The following PRKCZ variants were observed in gnomAD, a reference collection of about 807,000 sequenced individuals.
The protein encoded by PRKCZ is protein kinase C zeta, also known as protein kinase C zeta type.
PRKCZ carries 33 observed loss-of-function variants against 79.5 expected under a neutral mutation model. The observed-to-expected ratio is 0.41, with a 90% CI of 0.31 to 0.55. PRKCZ has a LOEUF of 0.55. Ranked by LOEUF, PRKCZ falls within the 20% of genes least tolerant of loss-of-function variation. PRKCZ has a pLI of 0.19. For missense variants in PRKCZ, 578 were observed against 813.5 expected, an observed-to-expected ratio of 0.71 and a Z score of 3.52; for synonymous variants, 342 against 320.9, an observed-to-expected ratio of 1.07 and a Z score of -0.70.
intron 16 of PRKCZ, among the ~76,000 whole-genome samples, chr1:2,181,364 C>T (rs918389604): frequency 1.3e-5 from 2 of 152,334 alleles, no homozygotes; most frequent in East Asian, 1.9e-4. Flanking sequence ...TGACACGGAA[C>T]GGGCCCCCTG....
Position 2,173,241 on chromosome 1 carries a change from G to C in PRKCZ, c.1286-656G>C, listed in dbSNP as rs1309429226. 6.6e-6 allele frequency among the ~76,000 whole-genome samples: 1 copy of C among 152,202 alleles called. No homozygotes were observed. Among genetic ancestry groups the C allele is most frequent in the African/African-American group, 2.4e-5 (1 of 41,444 alleles). The stretch of plus-strand genomic sequence containing the variant: ...GCCGCTGGGATAACTGGGCTCCCCA[G>C]CGGCCACAATGGAAGTCTCAGTAGC... On this transcript the variant is annotated intron_variant, in intron 13 of 17. Transcript: ENST00000378567. This position sits in a 1 kb window ranked among gnomAD's most constrained non-coding sequence, Gnocchi z 5.7.
At chr1:2,179,730 C>T (rs910734347) in intron 16 of PRKCZ, among the ~76,000 whole-genome samples, 1 of 152,182 alleles carries the variant, frequency 6.6e-6, no homozygotes, top group African/African-American at 2.4e-5. Flanking sequence ...TTGCTCCTCC[C>T]ACCCCGGGCC....
Position 2,138,243 on chromosome 1 carries a change from G to A in PRKCZ, c.420+2896G>A, listed in dbSNP as rs1346045799. 5.9e-5 allele frequency among the ~76,000 whole-genome samples: 9 copies of A among 152,226 alleles called. No homozygotes were observed. The South Asian group carries it at 6.2e-4, about 10-fold the overall frequency. ...TTTCCGTCCTCTTTGTTGGTGAAGC[G>A]AGGATGAAAGAGTGGGCATCCGTCG... is the stretch of plus-strand genomic sequence containing the variant. On this transcript the variant is annotated intron_variant, in intron 5 of 17. Coordinates refer to ENST00000378567, the MANE Select transcript of PRKCZ (RefSeq NM_002744.6).
chr1:2,048,903 C>T (rs181225410), upstream of PRKCZ, among the ~76,000 whole-genome samples: 1 of 152,200 alleles, frequency 6.6e-6, no homozygotes, highest in Non-Finnish European at 1.5e-5. Context: ...CAGTGGCTCA[C>T]GCCTGTAATC....
Position 2,169,217 on chromosome 1 carries a change from C to T in PRKCZ, c.975-301C>T, listed in dbSNP as rs764204822. On this transcript the variant is annotated intron_variant, in intron 10 of 17. Coordinates refer to ENST00000378567, the MANE Select transcript of PRKCZ (RefSeq NM_002744.6). ...AGCCACCTCCACTCCCACCTGGTGA[C>T]GGGCCACCTCCTTCATTCCGGGGCC... 1.9e-5 allele frequency: 9 copies of T among 482,600 alleles called. No individual in the cohort carries two copies. In the East Asian group the frequency reaches 3.5e-4, roughly 19 times the overall value. The allele number at this position is 482,600 out of a possible 1,614,324, so 29.9% of individuals were successfully genotyped here. A position where few individuals can be genotyped will look rare whatever the true frequency, so the allele number is the denominator to read the frequency against.
intron 4 of PRKCZ, among the ~76,000 whole-genome samples, chr1:2,066,813 T>C (rs1294161094): frequency 2.0e-5 from 3 of 152,230 alleles, no homozygotes; most frequent in Non-Finnish European, 4.4e-5. Flanking sequence ...CTCAGTGTTT[T>C]GGGAGGCTGA....
chr1:2,146,620 CT>C (rs765473130), intron 7 of PRKCZ, among the ~76,000 whole-genome samples: 1 of 152,172 alleles, frequency 6.6e-6, no homozygotes, highest in Non-Finnish European at 1.5e-5. Flanking sequence ...AGAGAGAGAT[CT>C]CAAACACCAG....
intron 8 of PRKCZ, among the ~76,000 whole-genome samples, chr1:2,150,161 CAAAAAA>C (rs750010192): frequency 6.4e-5 from 3 of 46,708 alleles, no homozygotes; most frequent in East Asian, 1.2e-3. Flanking sequence ...GACTCCGTCT[CAAAAAA>C]AAAAAAAAAA....
At chr1:2,108,041 C>T (rs1341857438) in intron 4 of PRKCZ, among the ~76,000 whole-genome samples, 1 of 152,230 alleles carries the variant, frequency 6.6e-6, no homozygotes, top group African/African-American at 2.4e-5. Flanking sequence ...GTGCTGCCAG[C>T]CTTAGGCCTG....
At chr1:2,157,270 G>A (rs989670930) in intron 10 of PRKCZ, among the ~76,000 whole-genome samples, 5 of 152,184 alleles carry the variant, frequency 3.3e-5, no homozygotes, top group Non-Finnish European at 2.9e-5. Context: ...AGGCATGCCC[G>A]GAAGTCATGT....
At chr1:2,111,013 C>T (rs1226484050) in intron 4 of PRKCZ, among the ~76,000 whole-genome samples, 1 of 152,154 alleles carries the variant, frequency 6.6e-6, no homozygotes, top group Non-Finnish European at 1.5e-5. Flanking sequence ...CCCGTGCCCG[C>T]CCTGAGGGCG....
intron 4 of PRKCZ, among the ~76,000 whole-genome samples, chr1:2,131,241 GC>G (rs1203616000): frequency 2.0e-5 from 3 of 152,232 alleles, no homozygotes; most frequent in Non-Finnish European, 4.4e-5. Context: ...CCGTGAGCAG[GC>G]AGGGATGCCA....
At chr1:2,054,634 G>A (rs891726194) in intron 1 of PRKCZ, among the ~76,000 whole-genome samples, 17 of 152,002 alleles carry the variant, frequency 1.1e-4, no homozygotes, top group East Asian at 3.9e-4. Flanking sequence ...TGCCCACTCC[G>A]GGGTCTAAAG....
intron 4 of PRKCZ, among the ~76,000 whole-genome samples, chr1:2,081,145 G>A (rs1374807767): frequency 6.6e-6 from 1 of 152,256 alleles, no homozygotes; most frequent in Non-Finnish European, 1.5e-5. Flanking sequence ...CATACGTGAT[G>A]TCAAGTTTTG....
At chr1:2,053,212 T>C (rs1453219132) in intron 1 of PRKCZ, among the ~76,000 whole-genome samples, 5 of 152,078 alleles carry the variant, frequency 3.3e-5, no homozygotes, top group Non-Finnish European at 5.9e-5. Flanking sequence ...GCAATTCTCC[T>C]GCTTCAGCCT....
At chr1:2,164,252 T>TGG (rs894134358) in intron 10 of PRKCZ, among the ~76,000 whole-genome samples, 2 of 152,152 alleles carry the variant, frequency 1.3e-5, no homozygotes, top group African/African-American at 4.8e-5. Context: ...CCACAGGCCT[T>TGG]GGGGGTACAC....
chr1:2,150,709 G>T, intron 8 of PRKCZ, 81 bp from the exon 9 acceptor site: 1 of 1,401,656 alleles, frequency 7.1e-7, no homozygotes, highest in Non-Finnish European at 9.8e-7. Flanking sequence ...TCTCTGTTGG[G>T]ACCGCATGAG....
At position 2,175,785 on chromosome 1, in the gene PRKCZ, G is replaced by A. The variant is rs117772255; in HGVS notation, c.1575+472G>A. Reference sequence around the variant, plus strand: ...AGACACATTTCGTCCTCCGGAGCCAGGAGAGTGAGGGGCCGGACGAGCTCG... The same window carrying A: ...AGACACATTTCGTCCTCCGGAGCCAAGAGAGTGAGGGGCCGGACGAGCTCG... On this transcript the variant is annotated intron_variant, in intron 16 of 17. Transcript: ENST00000378567. Among the ~76,000 whole-genome samples, 31 of 152,268 alleles carry A rather than the reference G, an allele frequency of 2.0e-4. 1 individual carries two copies. The East Asian group carries it at 5.7e-3, about 28-fold the overall frequency.
In PRKCZ at chr1:2,135,192, C is replaced by T. The variant is rs866318754; in HGVS notation, c.335-70C>T. ...CACCACCTGGACGGGAGTGGCCTGT[C>T]GCAGCTGCACCCTGCGTGGGCTCGT... On this transcript the variant is annotated intron_variant, in intron 4 of 17. Coordinates refer to ENST00000378567, the MANE Select transcript of PRKCZ (RefSeq NM_002744.6). 143 of 1,367,574 alleles carry T rather than the reference C, an allele frequency of 1.0e-4. No homozygotes were observed. The South Asian group carries it at 1.4e-3, about 13-fold the overall frequency. The allele number at this position is 1,367,574 out of a possible 1,614,324, so 84.7% of individuals were successfully genotyped here.
Sources: allele counts gnomAD v4.1 joint callset (sites outside exome capture counted in the v4.1 genomes callset), GRCh38; gene constraint gnomAD v4.1.1; non-coding constraint Gnocchi (gnomAD v3.1); transcripts MANE v1.5; gene names NCBI Gene and HGNC (gene_info 2026-07-23, HGNC 2026-07-21).